The following CMYA5 variants were observed in gnomAD, a reference collection of about 807,000 sequenced individuals.
The protein encoded by CMYA5 is cardiomyopathy associated 5, also known as cardiomyopathy-associated protein 5.
Under a neutral mutation model 318.9 loss-of-function variants are expected in CMYA5, and 246 were observed. That is an observed-to-expected ratio of 0.77 (90% CI 0.70 to 0.86). The LOEUF is 0.86. CMYA5 is among the 40% of genes least tolerant of loss of function. The pLI is 0.00. For missense variants in CMYA5, 4,589 were observed against 4,678.2 expected, an observed-to-expected ratio of 0.98 and a Z score of 0.56; for synonymous variants, 1,641 against 1,729.5, an observed-to-expected ratio of 0.95 and a Z score of 1.27.
At chr5:79,708,844 G>A (rs1397130312) in intron 1 of CMYA5, among the ~76,000 whole-genome samples, 1 of 152,030 alleles carries the variant, frequency 6.6e-6, no homozygotes, top group Non-Finnish European at 1.5e-5. Flanking sequence ...TGAGGCACAA[G>A]AATCGGTTGA....
At chr5:79,706,902 T>C (rs779709508) in intron 1 of CMYA5, among the ~76,000 whole-genome samples, 1 of 152,212 alleles carries the variant, frequency 6.6e-6, no homozygotes, top group African/African-American at 2.4e-5. Flanking sequence ...CCTAGGTTCA[T>C]GTTGCCATTT....
rs1255541656 is a variant in CMYA5 at position 79,730,193 on chromosome 5, C to T, written c.1428C>T (p.Thr476=). The change falls in exon 2 of 13, where the codon ACC becomes ACT. Residue 476 remains threonine, a synonymous_variant. Coordinates refer to ENST00000446378, the MANE Select transcript of CMYA5 (RefSeq NM_153610.5). ...CAGTCTCCGCAAAACTGACCCCTAC[C>T]CATCCCAGTGTCAAAGGAGAGAAGG... is the stretch of plus-strand genomic sequence containing the variant. ...AEPVSAKLTP[T]HPSVKGEKEE... 6.2e-7 allele frequency: 1 copy of T among 1,613,954 alleles called. No individual in the cohort carries two copies.
chr5:79,736,933 T>G lies in CMYA5; in HGVS notation c.8168T>G (p.Phe2723Cys). ...GTTTTGGTGGAGAAAACTAAGACTTTCCTGCCAGTGGTTCTTTCTTGTCAT... is the reference window on the plus strand; with the variant it reads ...GTTTTGGTGGAGAAAACTAAGACTTGCCTGCCAGTGGTTCTTTCTTGTCAT... ...SKVLVEKTKT[F>C]LPVVLSCHDE... Residue 2723 changes from phenylalanine (F) to cysteine (C), a missense_variant, in exon 2 of 13, where the codon TTC (phenylalanine) becomes TGC (cysteine). By Grantham distance (205) the Phe-to-Cys change is radical (BLOSUM62 -2). Around this residue, in one of 3 missense-constraint regions of CMYA5, gnomAD observed 2,431 missense variants for 2,495.1 expected, o/e 0.97. Transcript: ENST00000446378. 6.2e-7 allele frequency: 1 copy of G among 1,613,364 alleles called. No individual in the cohort carries two copies. Among genetic ancestry groups the G allele is most frequent in the Non-Finnish European group, 8.5e-7 (1 of 1,179,748 alleles).
intron 4 of CMYA5, among the ~76,000 whole-genome samples, chr5:79,746,796 G>A (rs768709081): frequency 3.3e-5 from 5 of 152,008 alleles, no homozygotes; most frequent in Non-Finnish European, 5.9e-5. Context: ...TGCCAGTCCC[G>A]CTGATCACAG....
At chr5:79,762,050 A>G in intron 8 of CMYA5, 93 bp downstream of exon 8, 2 of 1,380,898 alleles carry the variant, frequency 1.4e-6, no homozygotes, top group South Asian at 1.7e-5. Flanking sequence ...TTAAGCACCT[A>G]TTGTGTGTTG....
rs776251338 is a variant in CMYA5 at position 79,738,004 on chromosome 5, A to C, written c.9239A>C (p.Glu3080Ala). 1 of 1,613,598 alleles carries C rather than the reference A, an allele frequency of 6.2e-7. No homozygotes were observed. Among genetic ancestry groups the C allele is most frequent in the Non-Finnish European group, 8.5e-7 (1 of 1,179,690 alleles). The stretch of plus-strand genomic sequence containing the variant: ...GCTCCACAGAAATTAAATGTTGAAG[A>C]GAAACTCTCAAAGGAAGTTACAGAA... ...QKAPQKLNVE[E>A]KLSKEVTEET... The change falls in exon 2 of 13, where the codon GAG becomes GCG. Residue 3080 changes from glutamate to alanine, a missense_variant. Glu to Ala is a moderately radical substitution (Grantham distance 107, BLOSUM62 -1). Around this residue, in one of 3 missense-constraint regions of CMYA5, gnomAD observed 2,431 missense variants for 2,495.1 expected, o/e 0.97. Coordinates refer to ENST00000446378, the MANE Select transcript of CMYA5 (RefSeq NM_153610.5).
chr5:79,731,309 G>A lies in CMYA5; in HGVS notation c.2544G>A (p.Leu848=), dbSNP rs1335711619. The A allele has an allele frequency of 6.2e-7, 1 of 1,613,488 alleles. No individual in the cohort carries two copies. The highest frequency in any genetic ancestry group is 8.5e-7 in the Non-Finnish European group (1 of 1,179,754). ...KEVIGPSSPD[L]VVASEHSFPP... is the part of the protein sequence containing the mutation. Reference sequence around the variant, plus strand: ...TCATTGGACCATCTTCCCCAGATTTGGTTGTTGCATCTGAACACTCTTTCC... The same window carrying A: ...TCATTGGACCATCTTCCCCAGATTTAGTTGTTGCATCTGAACACTCTTTCC... Residue 848 remains leucine, a synonymous_variant, in exon 2 of 13, where the codon TTG becomes TTA. Transcript: ENST00000446378.
At position 79,737,530 on chromosome 5, in the gene CMYA5, C is replaced by T. The variant is rs1429932926; in HGVS notation, c.8765C>T (p.Ala2922Val). 6.2e-7 allele frequency: 1 copy of T among 1,613,260 alleles called. No homozygotes were observed. Among genetic ancestry groups the T allele is most frequent in the Non-Finnish European group, 8.5e-7 (1 of 1,179,706 alleles). ...EMPKEPEDTY[A>V]KGEDFTVTSK... ...CCCAAGGAACCTGAAGACACATATG[C>T]AAAAGGTGAAGACTTTACAGTGACT... is the stretch of plus-strand genomic sequence containing the variant. The change falls in exon 2 of 13, where the codon GCA (alanine) becomes GTA (valine). Residue 2922 changes from alanine to valine, a missense_variant. Physicochemically the swap from Ala to Val is moderately conservative, Grantham distance 64 (BLOSUM62 0). Around this residue, in one of 3 missense-constraint regions of CMYA5, gnomAD observed 2,431 missense variants for 2,495.1 expected, o/e 0.97. Coordinates refer to ENST00000446378, the MANE Select transcript of CMYA5 (RefSeq NM_153610.5).
At chr5:79,725,630 C>CGGT (rs2151082822) in intron 1 of CMYA5, among the ~76,000 whole-genome samples, 1 of 152,292 alleles carries the variant, frequency 6.6e-6, no homozygotes, top group East Asian at 1.9e-4. Context: ...AAGCAGAGTG[C>CGGT]GGTGGCTCAC....
At chr5:79,713,486 G>C (rs1319767976) in intron 1 of CMYA5, among the ~76,000 whole-genome samples, 1 of 151,940 alleles carries the variant, frequency 6.6e-6, no homozygotes, top group Non-Finnish European at 1.5e-5. Flanking sequence ...CTCTGGACCT[G>C]GCGTCTCTTT....
chr5:79,737,443 C>T lies in CMYA5; in HGVS notation c.8678C>T (p.Ala2893Val). The T allele has an allele frequency of 1.2e-6, 2 of 1,613,808 alleles. No homozygotes were observed. Among genetic ancestry groups the T allele is most frequent in the Non-Finnish European group, 1.7e-6 (2 of 1,179,800 alleles). ...CTGTCTTCAGCAAAAAGCAACTATG[C>T]TCAATTTATATCTAATACATCAGCA... is the stretch of plus-strand genomic sequence containing the variant. ...EPLSSAKSNY[A>V]QFISNTSASN... Residue 2893 changes from alanine (A) to valine (V), a missense_variant, in exon 2 of 13, where the codon GCT becomes GTT. By Grantham distance (64) the Ala-to-Val change is moderately conservative. Coordinates refer to ENST00000446378, the MANE Select transcript of CMYA5 (RefSeq NM_153610.5).
intron 5 of CMYA5, 99 bp from the exon 6 acceptor site, chr5:79,752,577 C>T: frequency 1.3e-6 from 1 of 743,558 alleles, no homozygotes; most frequent in African/African-American, 1.8e-5. Flanking sequence ...TTATGCAAAC[C>T]ACCACTACCA....
intron 9 of CMYA5, among the ~76,000 whole-genome samples, chr5:79,775,684 G>T (rs549821791): frequency 6.6e-6 from 1 of 152,062 alleles, no homozygotes; most frequent in Admixed American, 6.5e-5. Flanking sequence ...AAGGGCTATT[G>T]AACAAGATAA....
intron 1 of CMYA5, among the ~76,000 whole-genome samples, chr5:79,722,576 G>A (rs1477770802): frequency 1.3e-5 from 2 of 151,438 alleles, no homozygotes; most frequent in Non-Finnish European, 2.9e-5. Context: ...ACTTTGGGAG[G>A]CTGAGGTGAA....
intron 10 of CMYA5, 115 bp downstream of exon 10, chr5:79,789,219 A>G: frequency 1.6e-6 from 2 of 1,241,466 alleles, no homozygotes; most frequent in Non-Finnish European, 2.2e-6. Flanking sequence ...TGTCAGTGGT[A>G]GGTTTTTGTC....
In CMYA5 at chr5:79,731,741, T is replaced by C. The variant is rs1334714492; in HGVS notation, c.2976T>C (p.Thr992=). 1.2e-6 allele frequency: 2 copies of C among 1,613,902 alleles called. No individual in the cohort carries two copies. Among genetic ancestry groups the C allele is most frequent in the Non-Finnish European group, 1.7e-6 (2 of 1,179,854 alleles). ...SEHTILSDED[T]EEAELFSPDS... ...ACACTATTTTGTCAGATGAAGACAC[T>C]GAAGAAGCGGAACTGTTCTCTCCAG... The change falls in exon 2 of 13, where the codon ACT becomes ACC. Residue 992 remains threonine (T), a synonymous_variant. Transcript: ENST00000446378.
intron 9 of CMYA5, chr5:79,778,212 G>T (rs1285507605): frequency 6.6e-6 from 1 of 152,198 alleles, no homozygotes; most frequent in Non-Finnish European, 1.5e-5. Context: ...AAACAATGCT[G>T]CAGTAATAAA....
intron 5 of CMYA5, among the ~76,000 whole-genome samples, chr5:79,749,825 C>G (rs1828397705): frequency 6.6e-6 from 1 of 152,108 alleles, no homozygotes; most frequent in Admixed American, 6.6e-5. Flanking sequence ...ATAATTTCTA[C>G]AACTATACTG....
Position 79,721,080 on chromosome 5 carries a change from A to G in CMYA5, c.150-7835A>G, listed in dbSNP as rs145739026. 6.9e-3 allele frequency among the ~76,000 whole-genome samples: 1,053 copies of G among 152,350 alleles called. 9 individuals carry two copies. The highest frequency in any genetic ancestry group is 0.023 in the African/African-American group (968 of 41,572). ...TGGGAATAGGTAAAAATATCAATTT[A>G]TATTAGACATTAATGAGTCAAAGAT... On this transcript the variant is annotated intron_variant, in intron 1 of 12. Transcript: ENST00000446378.
Sources: gnomAD v4.1 joint callset for allele counts (sites outside exome capture counted in the v4.1 genomes callset) on GRCh38, gnomAD v4.1.1 for gene constraint, gnomAD v4.1.1 regional missense constraint, MANE v1.5 for transcripts, NCBI Gene and HGNC (gene_info 2026-07-23, HGNC 2026-07-21) for gene names.